Variants in RNF181 observed in about 807,000 individuals in gnomAD.
The protein encoded by RNF181 is E3 ubiquitin-protein ligase RNF181.
A neutral mutation model predicts 23.3 loss-of-function variants in RNF181; 25 were observed. That is an observed-to-expected ratio of 1.07 (90% CI 0.78 to 1.50). RNF181 has a LOEUF of 1.50. Among genes scored for constraint, RNF181 ranks in the 40% most tolerant of loss-of-function variants. RNF181 has a pLI of 0.00. For missense variants in RNF181, 167 were observed against 191.1 expected, an observed-to-expected ratio of 0.87 and a Z score of 0.74; for synonymous variants, 62 against 70.9, an observed-to-expected ratio of 0.87 and a Z score of 0.63.
In RNF181 at chr2:85,596,616, C is replaced by T. The variant is rs771023640; in HGVS notation, c.184C>T (p.Leu62Phe). The part of the protein sequence containing the change: ...PPAAKTVVEN[L>F]PRTVIRGSQA... ...AGCTGCCAAGACTGTGGTTGAGAAC[C>T]TCCCCAGGACAGTCATCAGAGGCTC... Residue 62 changes from leucine to phenylalanine, a missense_variant, in exon 2 of 5, where the codon CTC becomes TTC. By Grantham distance (22) the Leu-to-Phe change is conservative (BLOSUM62 0). Coordinates refer to ENST00000306368, the MANE Select transcript of RNF181 (RefSeq NM_016494.4). 12 of 1,613,844 alleles carry T rather than the reference C, an allele frequency of 7.4e-6. No individual in the cohort carries two copies. Among genetic ancestry groups the T allele is most frequent in the Non-Finnish European group, 9.3e-6 (11 of 1,179,896 alleles).
intron 3 of RNF181, 63 bp from the exon 4 acceptor site, chr2:85,597,041 G>A (rs1325866233): frequency 8.7e-6 from 14 of 1,614,028 alleles, no homozygotes; most frequent in Non-Finnish European, 1.2e-5. Flanking sequence ...TGGGAGCAGG[G>A]GAGGGTGGTT....
At chr2:85,597,354 G>A in intron 4 of RNF181, 91 bp from the exon 5 acceptor site, 3 of 1,501,218 alleles carry the variant, frequency 2.0e-6, no homozygotes, top group Non-Finnish European at 2.7e-6. Context: ...CCAGAGGCCT[G>A]AAAACAGAGC....
Position 85,596,564 on chromosome 2 carries a change from A to G in RNF181, c.132A>G (p.Val44=). The G allele has an allele frequency of 3.7e-6, 6 of 1,613,992 alleles. No individual in the cohort carries two copies. Among genetic ancestry groups the G allele is most frequent in the Non-Finnish European group, 5.1e-6 (6 of 1,179,920 alleles). ...ACTTTGAAGACTTGGGGTTGGTAGT[A>G]GATTGGGACCACCACCTGCCTCCAC... ...RMDFEDLGLV[V]DWDHHLPPPA... The change falls in exon 2 of 5, where the codon GTA becomes GTG. Residue 44 remains valine (V), a synonymous_variant. Coordinates refer to ENST00000306368, the MANE Select transcript of RNF181 (RefSeq NM_016494.4).
At chr2:85,596,961 G>A (rs2232748) in intron 3 of RNF181, 30 bp downstream of exon 3, 29 of 1,613,700 alleles carry the variant, frequency 1.8e-5, no homozygotes, top group Admixed American at 1.5e-4. Flanking sequence ...AGCTCTCACC[G>A]TGCCCTGGGC....
intron 4 of RNF181, 61 bp from the exon 5 acceptor site, chr2:85,597,384 C>T (rs1357620120): frequency 6.5e-7 from 1 of 1,543,078 alleles, no homozygotes; most frequent in Non-Finnish European, 8.7e-7. Context: ...AATAGCTGCC[C>T]ATCCCCTCAC....
intron 1 of RNF181, among the ~76,000 whole-genome samples, 190 bp downstream of exon 1, chr2:85,596,039 C>T (rs986562303): frequency 9.0e-6 from 1 of 111,358 alleles, no homozygotes; most frequent in Non-Finnish European, 1.7e-5. Context: ...TCCGTTGGGC[C>T]GGCCTGGGGC....
intron 4 of RNF181, 62 bp from the exon 5 acceptor site, chr2:85,597,383 C>A: frequency 6.5e-7 from 1 of 1,542,774 alleles, no homozygotes; most frequent in Non-Finnish European, 8.7e-7. Flanking sequence ...TAATAGCTGC[C>A]CATCCCCTCA....
Position 85,596,884 on chromosome 2 carries a change from T to C in RNF181, c.280T>C (p.Cys94Arg). 1 of 1,614,188 alleles carries C rather than the reference T, an allele frequency of 6.2e-7. No individual in the cohort carries two copies. Among genetic ancestry groups the C allele is most frequent in the Non-Finnish European group, 8.5e-7 (1 of 1,180,030 alleles). Reference sequence around the variant, plus strand: ...GGAGGAGACTGCCATTGAGATGCCTTGCCATCACCTTTTCCATTCCAGCTG... The same window carrying C: ...GGAGGAGACTGCCATTGAGATGCCTCGCCATCACCTTTTCCATTCCAGCTG... ...EEEETAIEMP[C>R]HHLFHSSCIL... Residue 94 changes from cysteine (C) to arginine (R), a missense_variant, in exon 3 of 5, where the codon TGC becomes CGC. Coordinates refer to ENST00000306368, the MANE Select transcript of RNF181 (RefSeq NM_016494.4).
At position 85,596,817 on chromosome 2, in the gene RNF181, T is replaced by A. The variant is rs1672682201; in HGVS notation, c.218-5T>A. ...AGCTCTCCTGATCAGCACTCCTTCC[T>A]AAAGAGCTCAAGTGCCCCGTGTGTC... On this transcript the variant is annotated splice_polypyrimidine_tract_variant and splice_region_variant and intron_variant, in intron 2 of 4. Coordinates refer to ENST00000306368, the MANE Select transcript of RNF181 (RefSeq NM_016494.4). 1 of 1,613,618 alleles carries A rather than the reference T, an allele frequency of 6.2e-7. No homozygotes were observed. The highest frequency in any genetic ancestry group is 8.5e-7 in the Non-Finnish European group (1 of 1,179,838).
Position 85,597,595 on chromosome 2 carries a change from T to C in RNF181, c.*91T>C. On this transcript the variant is annotated 3_prime_UTR_variant, in exon 5 of 5. Coordinates refer to ENST00000306368, the MANE Select transcript of RNF181 (RefSeq NM_016494.4). The stretch of plus-strand genomic sequence containing the variant: ...TTCTTTACCCACCCTGAGGCTGTAT[T>C]GATCACAGACCTGGCCAGGGGCTCT... 6.4e-7 allele frequency: 1 copy of C among 1,572,474 alleles called. No individual in the cohort carries two copies. Among genetic ancestry groups the C allele is most frequent in the Non-Finnish European group, 8.6e-7 (1 of 1,161,594 alleles).
chr2:85,595,788 G>T lies in RNF181; in HGVS notation c.25G>T (p.Asp9Tyr), dbSNP rs375414610. MASYFDEH[D>Y]CEPSDPEQET... ...CATGGCGTCCTATTTCGATGAACACGACTGCGAGCCGTCGGACCCTGAGCA... is the reference window on the plus strand; with the variant it reads ...CATGGCGTCCTATTTCGATGAACACTACTGCGAGCCGTCGGACCCTGAGCA... The change falls in exon 1 of 5, where the codon GAC (aspartate) becomes TAC (tyrosine). Residue 9 changes from aspartate (D) to tyrosine (Y), a missense_variant. Physicochemically the swap from Asp to Tyr is radical, Grantham distance 160. Transcript: ENST00000306368. 1.1e-5 allele frequency: 17 copies of T among 1,613,972 alleles called. No homozygotes were observed. The highest frequency in any genetic ancestry group is 2.2e-5 in the South Asian group (2 of 91,058).
At chr2:85,596,341 T>G (rs1289762219) in intron 1 of RNF181, among the ~76,000 whole-genome samples, 178 bp from the exon 2 acceptor site, 1 of 149,440 alleles carries the variant, frequency 6.7e-6, no homozygotes, top group Non-Finnish European at 1.5e-5. Flanking sequence ...TGGGGCGGTC[T>G]GATAGCAGTT....
rs1159754786 is a variant in RNF181, at chr2:85,597,681, C to G, written c.*177C>G. On this transcript the variant is annotated 3_prime_UTR_variant, in exon 5 of 5. Transcript: ENST00000306368. Reference sequence around the variant, plus strand: ...GGTGATCCTAAATCGCAGAAGGCACCAGGCTGCGGTTTTCCTCCCTGCTGG... The same window carrying G: ...GGTGATCCTAAATCGCAGAAGGCACGAGGCTGCGGTTTTCCTCCCTGCTGG... The G allele has an allele frequency of 3.9e-6, 5 of 1,285,888 alleles. No individual in the cohort carries two copies. The South Asian group carries it at 6.7e-5, about 17-fold the overall frequency. 79.7% of individuals were successfully genotyped at this position (1,285,888 alleles called of 1,614,324 possible).
At chr2:85,596,692 C>A (rs371912478) in intron 2 of RNF181, 43 bp downstream of exon 2, 2 of 1,613,734 alleles carry the variant, frequency 1.2e-6, no homozygotes, top group African/African-American at 2.7e-5. Flanking sequence ...CAGACCCACC[C>A]CTTCCCCAAG....
In RNF181 at chr2:85,597,569, T is replaced by G. The variant is rs748146292; in HGVS notation, c.*65T>G. 21 of 1,604,408 alleles carry G rather than the reference T, an allele frequency of 1.3e-5. No individual in the cohort carries two copies. The highest frequency in any genetic ancestry group is 1.7e-5 in the Admixed American group (1 of 57,990). On this transcript the variant is annotated 3_prime_UTR_variant, in exon 5 of 5. Coordinates refer to ENST00000306368, the MANE Select transcript of RNF181 (RefSeq NM_016494.4). ...ATTAACCTTGAATCCTCATTAAAGG[T>G]TTCTTTACCCACCCTGAGGCTGTAT...
chr2:85,597,617 C>A lies in RNF181; in HGVS notation c.*113C>A. 6.7e-7 allele frequency: 1 copy of A among 1,503,186 alleles called. No individual in the cohort carries two copies. Among genetic ancestry groups the A allele is most frequent in the South Asian group, 1.3e-5 (1 of 75,604 alleles). The allele number at this position is 1,503,186 out of a possible 1,614,324, so 93.1% of individuals were successfully genotyped here. A position where few individuals can be genotyped will look rare whatever the true frequency, so the allele number is the denominator to read the frequency against. ...TATTGATCACAGACCTGGCCAGGGG[C>A]TCTGCATCCTCCATCAGGTCTCTAC... On this transcript the variant is annotated 3_prime_UTR_variant, in exon 5 of 5. Transcript: ENST00000306368.
Position 85,596,660 on chromosome 2 carries a change from T to G in RNF181, c.217+11T>G, listed in dbSNP as rs762078290. 1.2e-6 allele frequency: 2 copies of G among 1,613,180 alleles called. No homozygotes were observed. Among genetic ancestry groups the G allele is most frequent in the Non-Finnish European group, 1.7e-6 (2 of 1,179,262 alleles). On this transcript the variant is annotated intron_variant, in intron 2 of 4. Transcript: ENST00000306368. Reference sequence around the variant, plus strand: ...GAGGCTCTCAGGCTGGTGAGGACACTGATTCTTTCTGCTATTTGGGCCAGA... The same window carrying G: ...GAGGCTCTCAGGCTGGTGAGGACACGGATTCTTTCTGCTATTTGGGCCAGA...
At chr2:85,596,963 G>T (rs1558827456) in intron 3 of RNF181, 32 bp downstream of exon 3, 8 of 1,614,026 alleles carry the variant, frequency 5.0e-6, no homozygotes, top group East Asian at 2.2e-5. Flanking sequence ...CTCTCACCGT[G>T]CCCTGGGCCC....
At chr2:85,597,406 C>A in intron 4 of RNF181, 39 bp from the exon 5 acceptor site, 2 of 1,582,570 alleles carry the variant, frequency 1.3e-6, no homozygotes, top group Non-Finnish European at 1.7e-6. Flanking sequence ...CATAGGCCTT[C>A]AGTTTTGGCC....
Sources: gnomAD v4.1 joint callset for allele counts (sites outside exome capture counted in the v4.1 genomes callset) on GRCh38, gnomAD v4.1.1 for gene constraint, MANE v1.5 for transcripts, NCBI Gene and HGNC (gene_info 2026-07-23, HGNC 2026-07-21) for gene names.